GABRA5: variants seen among roughly 807,000 people sequenced by gnomAD.
GABRA5 encodes the protein gamma-aminobutyric acid receptor subunit alpha-5.
Under a neutral mutation model 47.3 loss-of-function variants are expected in GABRA5, and 18 were observed. The observed-to-expected ratio is 0.38, with a 90% CI of 0.26 to 0.56. The LOEUF is 0.56. Among genes scored for constraint, GABRA5 ranks in the 20% least tolerant of loss-of-function variants. The probability of loss-of-function intolerance (pLI) is 0.71; values close to 1 mark genes in which losing one functional copy is unlikely to be tolerated. For synonymous variants in GABRA5, 237 were observed against 229.3 expected (o/e 1.03, Z -0.30); for missense variants, 365 against 599.3 (o/e 0.61, Z 4.08).
rs556794227 is a variant in GABRA5 at position 26,868,259 on chromosome 15, C to T, written c.-139-470C>T. On this transcript the variant is annotated intron_variant, in intron 1 of 10. Transcript: ENST00000335625. ...TGGCCCGGGCCCCGCGACGAGCCCC[C>T]CGGACGCGCCCAGGCGACCACCGCA... Among the ~76,000 whole-genome samples the T allele has an allele frequency of 6.8e-4, 104 of 152,122 alleles. 3 individuals are homozygous for T. The highest frequency in any genetic ancestry group is 6.1e-3 in the Admixed American group (93 of 15,294).
At position 26,908,640 on chromosome 15, in the gene GABRA5, G is replaced by A. The variant is rs142612346; in HGVS notation, c.498-6163G>A. 1.7e-3 allele frequency among the ~76,000 whole-genome samples: 260 copies of A among 152,278 alleles called. 1 individual carries two copies. Among genetic ancestry groups the A allele is most frequent in the African/African-American group, 6.0e-3 (251 of 41,556 alleles). ...AATTAAGCCTTGTTTCTTTTCTGTAGCATCAATCTTTAGATACTGTGTTGA... is the reference window on the plus strand; with the variant it reads ...AATTAAGCCTTGTTTCTTTTCTGTAACATCAATCTTTAGATACTGTGTTGA... On this transcript the variant is annotated intron_variant, in intron 6 of 10. Transcript: ENST00000335625.
intron 6 of GABRA5, among the ~76,000 whole-genome samples, chr15:26,892,593 C>T (rs1402225612): frequency 6.6e-6 from 1 of 152,268 alleles, no homozygotes; most frequent in Non-Finnish European, 1.5e-5. Flanking sequence ...ATCAAATAAA[C>T]TATGACATCT....
At chr15:26,934,658 T>TA (rs11401658) in intron 7 of GABRA5, among the ~76,000 whole-genome samples, 131,546 of 152,054 alleles carry the variant, frequency 0.87, 56,964 homozygotes, top group Middle Eastern at 0.9. Flanking sequence ...AGATGGGGGT[T>TA]TTTTCCCCGA....
chr15:26,888,507 G>A (rs1382906719), intron 6 of GABRA5, among the ~76,000 whole-genome samples: 2 of 152,110 alleles, frequency 1.3e-5, no homozygotes, highest in Non-Finnish European at 2.9e-5. Context: ...CTGGCCCGAG[G>A]TCATCTAGGG....
chr15:26,876,192 G>C (rs1236159995), intron 3 of GABRA5, among the ~76,000 whole-genome samples: 1 of 152,200 alleles, frequency 6.6e-6, no homozygotes, highest in Admixed American at 6.5e-5. Flanking sequence ...CAGGTGCAGT[G>C]GTGGTGTGGG....
chr15:26,884,214 A>AT (rs1322039500), intron 6 of GABRA5, among the ~76,000 whole-genome samples: 1 of 151,846 alleles, frequency 6.6e-6, no homozygotes, highest in Non-Finnish European at 1.5e-5. Flanking sequence ...AAAGAAGGGA[A>AT]TTTTTTATTT....
intron 8 of GABRA5, chr15:26,939,299 C>T (rs1894327074): frequency 1.3e-6 from 1 of 765,200 alleles, no homozygotes; most frequent in South Asian, 1.3e-5. Context: ...GTGCCTCCCA[C>T]ACAGCCAGGC....
chr15:26,884,333 G>T (rs555842085), intron 6 of GABRA5, among the ~76,000 whole-genome samples: 1 of 152,104 alleles, frequency 6.6e-6, no homozygotes, highest in Admixed American at 6.5e-5. Flanking sequence ...AATTTAAATG[G>T]ACTGTTAGTC....
At position 26,937,190 on chromosome 15, in the gene GABRA5, T is replaced by C; in HGVS notation, c.586T>C (p.Tyr196His). ...ACPLKFGSYAYPNSEVVYVWT... is the reference protein window; with the variant it reads ...ACPLKFGSYAHPNSEVVYVWT... ...TCTGCCCCCTCCTCATACAGATGCG[T>C]ACCCTAATTCTGAAGTCGTTTACGT... Residue 196 changes from tyrosine (Y) to histidine (H), a missense_variant, in exon 8 of 11, where the codon TAC becomes CAC. Physicochemically the swap from Tyr to His is moderately conservative, Grantham distance 83. This residue lies in a region of GABRA5 where 216 missense variants were observed against 335.3 expected (regional missense o/e 0.64). Transcript: ENST00000335625. 1 of 1,614,012 alleles carries C rather than the reference T, an allele frequency of 6.2e-7. No individual in the cohort carries two copies. The highest frequency in any genetic ancestry group is 8.5e-7 in the Non-Finnish European group (1 of 1,179,872).
At chr15:26,879,141 GT>G (rs1291873407) in intron 3 of GABRA5, among the ~76,000 whole-genome samples, 1 of 152,200 alleles carries the variant, frequency 6.6e-6, no homozygotes, top group African/African-American at 2.4e-5. Flanking sequence ...TTTTCTACTA[GT>G]ACCTCAATTG....
chr15:26,913,901 G>A (rs1233760127), intron 6 of GABRA5, among the ~76,000 whole-genome samples: 3 of 152,132 alleles, frequency 2.0e-5, no homozygotes, highest in Non-Finnish European at 4.4e-5. Flanking sequence ...GATTGTTATT[G>A]TCATGGCTCC....
At chr15:26,900,081 G>C (rs983863817) in intron 6 of GABRA5, among the ~76,000 whole-genome samples, 3 of 151,868 alleles carry the variant, frequency 2.0e-5, no homozygotes, top group Non-Finnish European at 4.4e-5. Flanking sequence ...TTACCCTGCG[G>C]AATAAAATTA....
At chr15:26,944,955 T>A (rs1894475727) in intron 10 of GABRA5, among the ~76,000 whole-genome samples, 1 of 152,096 alleles carries the variant, frequency 6.6e-6, no homozygotes, top group African/African-American at 2.4e-5. Flanking sequence ...TTGTTGGGTG[T>A]CGCCGACACT....
chr15:26,917,389 T>C, intron 7 of GABRA5, among the ~76,000 whole-genome samples: 1 of 152,144 alleles, frequency 6.6e-6, no homozygotes, highest in South Asian at 2.1e-4. Context: ...TTGATTTTCA[T>C]GTGTTGGACC....
chr15:26,939,009 G>A (rs925362944), intron 8 of GABRA5, among the ~76,000 whole-genome samples: 1 of 152,050 alleles, frequency 6.6e-6, no homozygotes, highest in Non-Finnish European at 1.5e-5. Flanking sequence ...CAGGGCCTGC[G>A]CTGATGGAGC....
chr15:26,940,939 T>A (rs10519587), intron 9 of GABRA5, among the ~76,000 whole-genome samples: 1 of 152,200 alleles, frequency 6.6e-6, no homozygotes, highest in African/African-American at 2.4e-5. Context: ...TGCTCACATC[T>A]TTGTAAACTG....
intron 7 of GABRA5, 105 bp from the exon 8 acceptor site, chr15:26,937,080 C>G: frequency 7.0e-7 from 1 of 1,419,026 alleles, no homozygotes; most frequent in South Asian, 1.2e-5. Flanking sequence ...CTTGACTTTT[C>G]AAACGTTCTC....
chr15:26,885,717 A>G (rs912888230), intron 6 of GABRA5, among the ~76,000 whole-genome samples: 1 of 152,180 alleles, frequency 6.6e-6, no homozygotes, highest in African/African-American at 2.4e-5. Flanking sequence ...GTCCTTAGCC[A>G]TCAGTCCATG....
At chr15:26,925,380 G>A (rs1027541976) in intron 7 of GABRA5, among the ~76,000 whole-genome samples, 2 of 151,966 alleles carry the variant, frequency 1.3e-5, no homozygotes, top group Non-Finnish European at 2.9e-5. Context: ...TAAGTTCACT[G>A]ATTATTTCTT....
Sources: allele counts gnomAD v4.1 joint callset (sites outside exome capture counted in the v4.1 genomes callset), GRCh38; gene constraint gnomAD v4.1.1; regional missense constraint gnomAD v4.1.1; transcripts MANE v1.5; gene names NCBI Gene and HGNC (gene_info 2026-07-23, HGNC 2026-07-21).